Variants in RORA observed in about 807,000 individuals in gnomAD.
The protein encoded by RORA is nuclear receptor ROR-alpha.
In RORA, 7 loss-of-function variants were observed where a neutral mutation model predicts 69.5. The observed-to-expected ratio is 0.10, with a 90% CI of 0.06 to 0.19. The LOEUF is 0.19. RORA is among the 10% of genes least tolerant of loss of function. The pLI, the probability that RORA is intolerant of heterozygous loss-of-function variation, is 1.00. For synonymous variants in RORA, 261 were observed against 240.8 expected (o/e 1.08, Z -0.78); for missense variants, 457 against 663.0 (o/e 0.69, Z 3.41).
intron 1 of RORA, among the ~76,000 whole-genome samples, chr15:60,710,938 C>T (rs1329625073): frequency 6.6e-6 from 1 of 152,154 alleles, no homozygotes; most frequent in Non-Finnish European, 1.5e-5. Context: ...GAGATGATCC[C>T]TCCAACTCCA....
chr15:61,078,972 A>T (rs1331363427), intron 1 of RORA, among the ~76,000 whole-genome samples: 1 of 152,242 alleles, frequency 6.6e-6, no homozygotes, highest in Non-Finnish European at 1.5e-5. Flanking sequence ...CCCAGAGTCC[A>T]TATGAATGAA....
intron 1 of RORA, among the ~76,000 whole-genome samples, chr15:61,058,194 G>C (rs541078666): frequency 2.1e-4 from 32 of 152,188 alleles, no homozygotes; most frequent in African/African-American, 7.5e-4. Flanking sequence ...GAGATTGTGA[G>C]GAAAAAGCAC....
rs191862520 is a variant in RORA, at chr15:60,772,168, A to G, written c.167-93482T>C. ...GGTTTGCTGTACCCATCAACTCGTC[A>G]TTTACATTAGATATTTCTCCTAACG... On this transcript the variant is annotated intron_variant, in intron 1 of 10. Transcript: ENST00000335670. 9.9e-5 allele frequency among the ~76,000 whole-genome samples: 15 copies of G among 152,166 alleles called. No individual in the cohort carries two copies. The East Asian group carries it at 2.7e-3, about 27-fold the overall frequency.
Position 60,537,381 on chromosome 15 carries a change from T to A in RORA, c.197-5530A>T, listed in dbSNP as rs372828156. On this transcript the variant is annotated intron_variant, in intron 2 of 10. Coordinates refer to ENST00000335670, the MANE Select transcript of RORA (RefSeq NM_134261.3). The surrounding 1 kb of genome is among the most constrained non-coding windows in gnomAD (Gnocchi z 4.9). ...TGCAACAGCCTGGAGAGAGGAAACC[T>A]TTCTTCAATCTGTCTACCCAGACAA... is the stretch of plus-strand genomic sequence containing the variant. 7.2e-5 allele frequency among the ~76,000 whole-genome samples: 11 copies of A among 152,240 alleles called. No homozygotes were observed. Among genetic ancestry groups the A allele is most frequent in the African/African-American group, 2.7e-4 (11 of 41,456 alleles).
intron 1 of RORA, among the ~76,000 whole-genome samples, chr15:60,817,489 T>C (rs558579456): frequency 6.6e-6 from 1 of 152,220 alleles, no homozygotes; most frequent in African/African-American, 2.4e-5. Flanking sequence ...TGTATGTCTG[T>C]ATATAATACA....
At position 60,721,238 on chromosome 15, in the gene RORA, A is replaced by T. The variant is rs554986356; in HGVS notation, c.167-42552T>A. On this transcript the variant is annotated intron_variant, in intron 1 of 10. Transcript: ENST00000335670. The stretch of plus-strand genomic sequence containing the variant: ...CACAAAAATGACCTCATTAAGCTGC[A>T]CCAATTGCCGGGCGGGGAGAGCAGT... Among the ~76,000 whole-genome samples the T allele has an allele frequency of 6.6e-5, 10 of 152,304 alleles. No homozygotes were observed. The South Asian group carries it at 1.9e-3, about 28-fold the overall frequency.
intron 1 of RORA, among the ~76,000 whole-genome samples, chr15:61,082,245 CTGGGAG>C (rs2078553853): frequency 6.6e-6 from 1 of 152,148 alleles, no homozygotes; most frequent in African/African-American, 2.4e-5. Flanking sequence ...TCCCAGCACT[CTGGGAG>C]GCCGCGGCGG....
intron 1 of RORA, among the ~76,000 whole-genome samples, chr15:60,796,323 C>G (rs1047203870): frequency 6.6e-6 from 1 of 152,196 alleles, no homozygotes; most frequent in African/African-American, 2.4e-5. Flanking sequence ...CATGGAGAAG[C>G]CTGATTCTAA....
chr15:60,708,432 A>G lies in RORA; in HGVS notation c.167-29746T>C, dbSNP rs2071098197. On this transcript the variant is annotated intron_variant, in intron 1 of 10. Coordinates refer to ENST00000335670, the MANE Select transcript of RORA (RefSeq NM_134261.3). ...GACTCCGTCTCAAAAAAAAAAAAAA[A>G]GGAAAAAAAAATGTTACCAACATCA... Among the ~76,000 whole-genome samples, 3 of 151,412 alleles carry G rather than the reference A, an allele frequency of 2.0e-5. No individual in the cohort carries two copies. The South Asian group carries it at 6.3e-4, about 32-fold the overall frequency.
intron 1 of RORA, among the ~76,000 whole-genome samples, chr15:60,856,932 G>A (rs922503331): frequency 2.0e-5 from 3 of 152,232 alleles, no homozygotes; most frequent in African/African-American, 7.2e-5. Flanking sequence ...GAGGAAGGAT[G>A]AGGAATAATG....
chr15:60,890,114 C>T (rs61025888), intron 1 of RORA, among the ~76,000 whole-genome samples: 9,398 of 152,310 alleles, frequency 0.062, 341 homozygotes, highest in African/African-American at 0.087. Context: ...TATTTTCCAA[C>T]TGTCTGTGCT....
chr15:60,523,270 T>C (rs2066237937), intron 3 of RORA, among the ~76,000 whole-genome samples: 1 of 152,226 alleles, frequency 6.6e-6, no homozygotes, highest in African/African-American at 2.4e-5. Context: ...TAGTCATTAA[T>C]GTAAACAAAA....
rs911275076 is a variant in RORA at position 61,103,077 on chromosome 15, G to A, written c.166+125976C>T. ...TTATTCAGACACGTTCCTATCTCCC[G>A]TATTCCCTAACTCCTTTCACTTATT... is the stretch of plus-strand genomic sequence containing the variant. On this transcript the variant is annotated intron_variant, in intron 1 of 10. Transcript: ENST00000335670. Among the ~76,000 whole-genome samples the A allele has an allele frequency of 8.5e-5, 13 of 152,294 alleles. No homozygotes were observed. In the South Asian group the frequency reaches 1.2e-3, roughly 15 times the overall value.
chr15:61,115,183 C>G (rs62007560), intron 1 of RORA, among the ~76,000 whole-genome samples: 10,642 of 152,158 alleles, frequency 0.07, 652 homozygotes, highest in East Asian at 0.25. Flanking sequence ...TCTTTCATAT[C>G]TCCAGAGTCC....
intron 2 of RORA, among the ~76,000 whole-genome samples, chr15:60,605,879 A>G (rs975098410): frequency 2.6e-5 from 4 of 152,218 alleles, no homozygotes; most frequent in Non-Finnish European, 5.9e-5. Flanking sequence ...CTAGGGTTTA[A>G]AACATCATTT....
At chr15:60,741,474 T>A (rs889815317) in intron 1 of RORA, among the ~76,000 whole-genome samples, 4 of 152,298 alleles carry the variant, frequency 2.6e-5, no homozygotes, top group Admixed American at 1.3e-4. Context: ...CTATGCCTCC[T>A]TGGGTAAGAG....
At chr15:60,946,277 C>A (rs987566928) in intron 1 of RORA, among the ~76,000 whole-genome samples, 3 of 152,190 alleles carry the variant, frequency 2.0e-5, no homozygotes, top group African/African-American at 4.8e-5. Context: ...TCCCCACGGT[C>A]TCCCTCTCCC....
chr15:60,964,551 A>T (rs1316830236), intron 1 of RORA, among the ~76,000 whole-genome samples: 5 of 152,132 alleles, frequency 3.3e-5, no homozygotes, highest in African/African-American at 1.2e-4. Flanking sequence ...AGTCCTGGGG[A>T]GAGACAGAAT....
intron 1 of RORA, among the ~76,000 whole-genome samples, chr15:60,903,014 C>T (rs370293386): frequency 1.1e-4 from 17 of 152,106 alleles, no homozygotes; most frequent in African/African-American, 2.7e-4. Context: ...TAGGCTAATC[C>T]GAAGCTTTTT....
Sources: gnomAD v4.1 joint callset for allele counts (sites outside exome capture counted in the v4.1 genomes callset) on GRCh38, gnomAD v4.1.1 for gene constraint, Gnocchi (gnomAD v3.1) non-coding constraint, MANE v1.5 for transcripts, NCBI Gene and HGNC (gene_info 2026-07-23, HGNC 2026-07-21) for gene names.